The following TAS1R2 variants were observed in gnomAD, a reference collection of about 807,000 sequenced individuals.
TAS1R2 encodes the protein taste receptor type 1 member 2.
TAS1R2 carries 47 observed loss-of-function variants against 49.3 expected under a neutral mutation model. That is an observed-to-expected ratio of 0.95 (90% CI 0.75 to 1.22). TAS1R2 has a LOEUF of 1.22. Among genes scored for constraint, TAS1R2 ranks in the 50% most tolerant of loss-of-function variants. TAS1R2 has a pLI of 0.00. For synonymous variants in TAS1R2, 479 were observed against 467.9 expected (o/e 1.02, Z -0.31); for missense variants, 1,155 against 1,122.1 (o/e 1.03, Z -0.42).
chr1:18,855,106 G>A, intron 2 of TAS1R2, 120 bp from the exon 3 acceptor site: 1 of 1,282,430 alleles, frequency 7.8e-7, no homozygotes, highest in Non-Finnish European at 1.1e-6. Context: ...CCAGGGGTAG[G>A]TGGTTTACAC....
chr1:18,840,089 C>A (rs1422065991), exon 6 of TAS1R2: 2 of 1,614,110 alleles, frequency 1.2e-6, no homozygotes, highest in Non-Finnish European at 1.7e-6. Flanking sequence ...GACGTAGGGC[C>A]CCTGGTAGCG....
chr1:18,841,264 A>G (rs1255333797), intron 5 of TAS1R2, among the ~76,000 whole-genome samples: 1 of 152,228 alleles, frequency 6.6e-6, no homozygotes, highest in Non-Finnish European at 1.5e-5. Flanking sequence ...AAGTCATTCA[A>G]CAAGCACCCA....
In TAS1R2 at chr1:18,854,179, T is replaced by C; in HGVS notation, c.1257+34A>G. 1.3e-6 allele frequency: 2 copies of C among 1,592,144 alleles called. No individual in the cohort carries two copies. Among genetic ancestry groups the C allele is most frequent in the Non-Finnish European group, 1.7e-6 (2 of 1,166,062 alleles). On this transcript the variant is annotated intron_variant, in intron 3 of 5. Coordinates refer to ENST00000375371, the Ensembl canonical transcript of TAS1R2. This position sits in a 1 kb window ranked among gnomAD's most constrained non-coding sequence, Gnocchi z 4.9. ...GAACCCCAGGGGAGGAGGATGGAGGTGCCCTGCAGACTCTATGGCAGCCAC... is the reference window on the plus strand; with the variant it reads ...GAACCCCAGGGGAGGAGGATGGAGGCGCCCTGCAGACTCTATGGCAGCCAC...
exon 6 of TAS1R2, chr1:18,840,258 A>G: frequency 6.2e-7 from 1 of 1,614,096 alleles, no homozygotes; most frequent in Non-Finnish European, 8.5e-7. Flanking sequence ...GGCCCCACGT[A>G]CACCGGGACC....
At chr1:18,841,591 G>A in intron 5 of TAS1R2, 138 bp downstream of exon 5, 1 of 1,282,706 alleles carries the variant, frequency 7.8e-7, no homozygotes, top group Non-Finnish European at 1.0e-6. Context: ...ATCAGATCTG[G>A]TCCCTGGCCT....
Position 18,854,489 on chromosome 1 carries a change from G to C in TAS1R2, c.981C>G (p.Ile327Met). ...TGAAGCCCGGGATGGGCACGCTCTGGATGGTGATGCCCAGGAAGGTGCCCA... is the reference window on the plus strand; with the variant it reads ...TGAAGCCCGGGATGGGCACGCTCTGCATGGTGATGCCCAGGAAGGTGCCCA... The change falls in exon 3 of 6, where the codon ATC becomes ATG. Residue 327 changes from isoleucine (I) to methionine (M), a missense_variant. Coordinates refer to ENST00000375371, the Ensembl canonical transcript of TAS1R2. The surrounding 1 kb of genome is among the most constrained non-coding windows in gnomAD (Gnocchi z 4.9). 2 of 1,614,112 alleles carry C rather than the reference G, an allele frequency of 1.2e-6. No individual in the cohort carries two copies. Among genetic ancestry groups the C allele is most frequent in the Non-Finnish European group, 1.7e-6 (2 of 1,180,014 alleles).
chr1:18,855,045 C>T, intron 2 of TAS1R2, 59 bp from the exon 3 acceptor site: 1 of 1,556,984 alleles, frequency 6.4e-7, no homozygotes. Flanking sequence ...TGCCCCCACC[C>T]CAGGGCTCTA....
In TAS1R2 at chr1:18,840,174, C is replaced by T. The variant is rs138370812; in HGVS notation, c.1945G>A (p.Ala649Thr). ...CAGACGATCTGGAAAGAACGCACGG[C>T]GATACAGGAGATGCAGATTGTGAAG... is the stretch of plus-strand genomic sequence containing the variant. Residue 649 changes from alanine (A) to threonine (T), a missense_variant, in exon 6 of 6, where the codon GCC (alanine) becomes ACC (threonine). By Grantham distance (58) the Ala-to-Thr change is moderately conservative. Transcript: ENST00000375371. 300 of 1,614,168 alleles carry T rather than the reference C, an allele frequency of 1.9e-4. 1 individual carries two copies. The African/African-American group carries it at 3.4e-3, about 18-fold the overall frequency.
chr1:18,850,193 C>T (rs998507207), intron 3 of TAS1R2, among the ~76,000 whole-genome samples: 5 of 152,218 alleles, frequency 3.3e-5, no homozygotes, highest in Non-Finnish European at 5.9e-5. Context: ...GGGCATCCTC[C>T]GACCTAAAGT....
exon 6 of TAS1R2, chr1:18,840,317 C>A (rs1398749651): frequency 8.7e-6 from 14 of 1,613,818 alleles, no homozygotes; most frequent in Non-Finnish European, 1.0e-5. Flanking sequence ...GCACATGGGG[C>A]CCCCAGCCGA....
At chr1:18,859,176 T>C (rs928857633) in intron 1 of TAS1R2, among the ~76,000 whole-genome samples, 2 of 152,110 alleles carry the variant, frequency 1.3e-5, no homozygotes, top group African/African-American at 2.4e-5. Context: ...GTGGGAGCAG[T>C]CTTGATGGCC....
chr1:18,859,571 A>T, exon 1 of TAS1R2: 1 of 1,614,254 alleles, frequency 6.2e-7, no homozygotes, highest in East Asian at 2.2e-5. Flanking sequence ...GGTAATCCCC[A>T]GGCAGGTAGA....
chr1:18,854,425 G>C lies in TAS1R2; in HGVS notation c.1045C>G (p.Pro349Ala). 6.2e-7 allele frequency: 1 copy of C among 1,614,076 alleles called. No homozygotes were observed. The highest frequency in any genetic ancestry group is 8.5e-7 in the Non-Finnish European group (1 of 1,180,004). ...TAGCTCTGGCTGGTCCTGCTGAGGG[G>C]TGGCGGCCCAGCCTGTGGGCCCCAC... The change falls in exon 3 of 6, where the codon CCC (proline) becomes GCC (alanine). Residue 349 changes from proline (P) to alanine (A), a missense_variant. Physicochemically the swap from Pro to Ala is conservative, Grantham distance 27 (BLOSUM62 -1). Coordinates refer to ENST00000375371, the Ensembl canonical transcript of TAS1R2. This position sits in a 1 kb window ranked among gnomAD's most constrained non-coding sequence, Gnocchi z 4.9.
intron 4 of TAS1R2, among the ~76,000 whole-genome samples, chr1:18,843,344 G>T (rs1327563821): frequency 6.6e-6 from 1 of 152,218 alleles, no homozygotes; most frequent in Non-Finnish European, 1.5e-5. Context: ...TGGGGGTGCT[G>T]TTACATTGGT....
At position 18,859,023 on chromosome 1, in the gene TAS1R2, G is replaced by A. The variant is rs116607791; in HGVS notation, c.182+456C>T. Among the ~76,000 whole-genome samples the A allele has an allele frequency of 1.7e-3, 256 of 152,192 alleles. 1 individual carries two copies. Among genetic ancestry groups the A allele is most frequent in the Non-Finnish European group, 2.5e-3 (169 of 68,010 alleles). ...CCCAAGGGGCTCAGGGAGGAGGTGGGGGAAGAGGAACTTCCCTCTCGGCCC... is the reference window on the plus strand; with the variant it reads ...CCCAAGGGGCTCAGGGAGGAGGTGGAGGAAGAGGAACTTCCCTCTCGGCCC... On this transcript the variant is annotated intron_variant, in intron 1 of 5. Transcript: ENST00000375371.
In TAS1R2 at chr1:18,854,551, C is replaced by T. The variant is rs752149652; in HGVS notation, c.919G>A (p.Asp307Asn). The T allele has an allele frequency of 5.6e-6, 9 of 1,613,202 alleles. No homozygotes were observed. Among genetic ancestry groups the T allele is most frequent in the African/African-American group, 4.0e-5 (3 of 74,696 alleles). The change falls in exon 3 of 6, where the codon GAC becomes AAC. Residue 307 changes from aspartate (D) to asparagine (N), a missense_variant. Physicochemically the swap from Asp to Asn is conservative, Grantham distance 23. Transcript: ENST00000375371. The surrounding 1 kb of genome is among the most constrained non-coding windows in gnomAD (Gnocchi z 4.9). The stretch of plus-strand genomic sequence containing the variant: ...TCCGTGAGGTTGTGCAGGACCGGGT[C>T]GATGGCCCAGGACTCGGAGGCGATC...
intron 3 of TAS1R2, among the ~76,000 whole-genome samples, chr1:18,852,300 T>G (rs1262887006): frequency 6.6e-6 from 1 of 152,192 alleles, no homozygotes; most frequent in African/African-American, 2.4e-5. Flanking sequence ...GAGCCCTTCA[T>G]GAGGGGGTCC....
chr1:18,853,781 C>T lies in TAS1R2; in HGVS notation c.1257+432G>A, dbSNP rs1934074894. ...TCGTGGTGGGAGGTCTCTGTGTGTG[C>T]CTGTGGATGTGGATGTGTGTGTTAA... On this transcript the variant is annotated intron_variant, in intron 3 of 5. Coordinates refer to ENST00000375371, the Ensembl canonical transcript of TAS1R2. Among the ~76,000 whole-genome samples, 4 of 152,144 alleles carry T rather than the reference C, an allele frequency of 2.6e-5. 1 individual carries two copies. In the South Asian group the frequency reaches 8.3e-4, roughly 32 times the overall value.
intron 3 of TAS1R2, 149 bp from the exon 4 acceptor site, chr1:18,849,699 T>C: frequency 1.1e-6 from 1 of 893,882 alleles, no homozygotes; most frequent in East Asian, 2.7e-5. Context: ...GGGTGGCAAT[T>C]TAGGAGTCAG....
Sources: gnomAD v4.1 joint callset for allele counts (sites outside exome capture counted in the v4.1 genomes callset) on GRCh38, gnomAD v4.1.1 for gene constraint, Gnocchi (gnomAD v3.1) non-coding constraint, MANE v1.5 for transcripts, NCBI Gene and HGNC (gene_info 2026-07-23, HGNC 2026-07-21) for gene names.